The following VCAN variants were observed in gnomAD, a reference collection of about 807,000 sequenced individuals.
VCAN encodes the protein versican.
Under a neutral mutation model 245.5 loss-of-function variants are expected in VCAN, and 44 were observed. That is an observed-to-expected ratio of 0.18 (90% CI 0.14 to 0.23). The LOEUF (loss-of-function observed/expected upper bound fraction) is 0.23. Among genes scored for constraint, VCAN ranks in the 10% least tolerant of loss-of-function variants. The pLI is 1.00. For missense variants in VCAN, 3,793 were observed against 4,057.9 expected (o/e 0.93, Z 1.77); for synonymous variants, 1,413 against 1,437.0 (o/e 0.98, Z 0.38).
chr5:83,523,824 A>G (rs1746191908), intron 7 of VCAN, among the ~76,000 whole-genome samples: 1 of 152,188 alleles, frequency 6.6e-6, no homozygotes, highest in Non-Finnish European at 1.5e-5. Flanking sequence ...GGTGTAGGAA[A>G]AAGAAAATGA....
At chr5:83,518,393 G>A (rs1259704077) in intron 6 of VCAN, among the ~76,000 whole-genome samples, 1 of 152,128 alleles carries the variant, frequency 6.6e-6, no homozygotes, top group Non-Finnish European at 1.5e-5. Context: ...TTATAATGCA[G>A]CATTTTATGA....
intron 13 of VCAN, among the ~76,000 whole-genome samples, chr5:83,575,756 C>T (rs1470028853): frequency 1.3e-5 from 2 of 152,180 alleles, no homozygotes; most frequent in African/African-American, 2.4e-5. Context: ...AACTGTCCCA[C>T]GTTGAGAACC....
chr5:83,503,668 ACATCACC>A (rs1745400073), intron 5 of VCAN, among the ~76,000 whole-genome samples: 1 of 152,250 alleles, frequency 6.6e-6, no homozygotes, highest in Non-Finnish European at 1.5e-5. Context: ...ATCATGTATC[ACATCACC>A]CAGCAAATAT....
At chr5:83,544,835 G>A (rs966142883) in intron 8 of VCAN, 8 of 152,120 alleles carry the variant, frequency 5.3e-5, no homozygotes, top group Admixed American at 2.6e-4. Context: ...CAGGAGTGTC[G>A]GTTTTATTTG....
At chr5:83,472,085 C>A (rs954673476) in intron 1 of VCAN, 62 bp downstream of exon 1, 2 of 253,830 alleles carry the variant, frequency 7.9e-6, no homozygotes, top group East Asian at 1.4e-4. Flanking sequence ...TAGAAAAAAA[C>A]CCGCGAGCTT....
chr5:83,526,177 A>G (rs1746289528), intron 7 of VCAN, among the ~76,000 whole-genome samples: 1 of 152,170 alleles, frequency 6.6e-6, no homozygotes, highest in Non-Finnish European at 1.5e-5. Context: ...TGACCTCATG[A>G]TCCACCTGCC....
intron 2 of VCAN, among the ~76,000 whole-genome samples, chr5:83,486,179 C>T (rs1580599223): frequency 1.3e-5 from 2 of 152,232 alleles, no homozygotes; most frequent in East Asian, 3.9e-4. Flanking sequence ...TCCATGTTCC[C>T]CTTGTCCCCT....
chr5:83,480,994 T>C (rs1306447779), intron 1 of VCAN, among the ~76,000 whole-genome samples: 1 of 152,118 alleles, frequency 6.6e-6, no homozygotes, highest in African/African-American at 2.4e-5. Context: ...TAAGTACTAA[T>C]TTTCACAACT....
Position 83,537,915 on chromosome 5 carries a change from A to G in VCAN, c.4912A>G (p.Ile1638Val), listed in dbSNP as rs766142228. The change falls in exon 8 of 15, where the codon ATT becomes GTT. Residue 1638 changes from isoleucine (I) to valine (V), a missense_variant. Ile to Val is a conservative substitution (Grantham distance 29). This residue lies in a region of VCAN where 3,182 missense variants were observed against 3,250.3 expected (regional missense o/e 0.98). Coordinates refer to ENST00000265077, the MANE Select transcript of VCAN (RefSeq NM_004385.5). ...VELSGSSSIP[I>V]TEGSGEAEED... ...GCTCTCAGGGAGTTCTTCGATTCCA[A>G]TTACAGAAGGCTCTGGAGAAGCAGA... 2.5e-6 allele frequency: 4 copies of G among 1,613,982 alleles called. No homozygotes were observed. The South Asian group carries it at 4.4e-5, about 18-fold the overall frequency.
At chr5:83,536,142 C>T (rs780252936) in intron 7 of VCAN, 17 of 152,072 alleles carry the variant, frequency 1.1e-4, no homozygotes, top group Non-Finnish European at 1.8e-4. Context: ...ACATACTTTT[C>T]GAGGAATGCT....
intron 5 of VCAN, among the ~76,000 whole-genome samples, chr5:83,500,986 C>A (rs182886863): frequency 1.5e-3 from 221 of 152,110 alleles, no homozygotes; most frequent in Non-Finnish European, 2.6e-3. Flanking sequence ...TATTATCTGA[C>A]CTTTTGTGTA....
intron 5 of VCAN, among the ~76,000 whole-genome samples, chr5:83,507,903 G>A (rs1290400641): frequency 6.6e-6 from 1 of 152,194 alleles, no homozygotes; most frequent in Non-Finnish European, 1.5e-5. Context: ...AATGGACAAT[G>A]TTTAGCTTAA....
chr5:83,555,791 A>G (rs758974072), intron 12 of VCAN, among the ~76,000 whole-genome samples: 1 of 152,206 alleles, frequency 6.6e-6, no homozygotes, highest in South Asian at 2.1e-4. Flanking sequence ...CAGGTCCATT[A>G]CAGCAAAACC....
At chr5:83,553,851 G>C (rs1747563802) in intron 11 of VCAN, among the ~76,000 whole-genome samples, 1 of 152,098 alleles carries the variant, frequency 6.6e-6, no homozygotes, top group Non-Finnish European at 1.5e-5. Context: ...TTCTTACTAT[G>C]GTTATACTTT....
chr5:83,490,320 A>C lies in VCAN; in HGVS notation c.293A>C (p.Lys98Thr). 6.2e-7 allele frequency: 1 copy of C among 1,614,154 alleles called. No homozygotes were observed. ...NGNIKIGQDY[K>T]GRVSVPTHPE... ...AATATCAAGATTGGTCAGGACTACA[A>C]AGGGAGAGTGTCTGTGCCCACACAT... The change falls in exon 3 of 15, where the codon AAA becomes ACA. Residue 98 changes from lysine (K) to threonine (T), a missense_variant. Around this residue, in one of 5 missense-constraint regions of VCAN, gnomAD observed 179 missense variants for 169.7 expected, o/e 1.05. Coordinates refer to ENST00000265077, the MANE Select transcript of VCAN (RefSeq NM_004385.5).
chr5:83,580,660 A>G lies in VCAN; in HGVS notation c.*226A>G, dbSNP rs1043504153. Reference sequence around the variant, plus strand: ...ATGAGAGCAGAAAGTAAGCATTTCCAGCCTATCTAATTTCTTTAGTTTTCT... The same window carrying G: ...ATGAGAGCAGAAAGTAAGCATTTCCGGCCTATCTAATTTCTTTAGTTTTCT... On this transcript the variant is annotated 3_prime_UTR_variant, in exon 15 of 15. Coordinates refer to ENST00000265077, the MANE Select transcript of VCAN (RefSeq NM_004385.5). 1.5e-5 allele frequency: 9 copies of G among 593,092 alleles called. No individual in the cohort carries two copies. Among genetic ancestry groups the G allele is most frequent in the South Asian group, 1.9e-5 (1 of 51,970 alleles). The allele number at this position is 593,092 out of a possible 1,614,324, so 36.7% of individuals were successfully genotyped here. A position where few individuals can be genotyped will look rare whatever the true frequency, so the allele number is the denominator to read the frequency against.
Position 83,537,965 on chromosome 5 carries a change from C to T in VCAN, c.4962C>T (p.Thr1654=). Residue 1654 remains threonine (T), a synonymous_variant, in exon 8 of 15, where the codon ACC becomes ACT. Transcript: ENST00000265077. Reference sequence around the variant, plus strand: ...AAGAAGATGAAGATACAATGTTCACCATGGTAACTGATTTATCACAGAGAA... The same window carrying T: ...AAGAAGATGAAGATACAATGTTCACTATGGTAACTGATTTATCACAGAGAA... The part of the protein sequence containing the change: ...EAEEDEDTMF[T]MVTDLSQRNT... The T allele has an allele frequency of 3.1e-6, 5 of 1,613,808 alleles. No individual in the cohort carries two copies. The highest frequency in any genetic ancestry group is 3.4e-6 in the Non-Finnish European group (4 of 1,179,930).
rs1273991977 is a variant in VCAN at position 83,580,984 on chromosome 5, A to T, written c.*550A>T. 5.5e-6 allele frequency: 1 copy of T among 182,890 alleles called. No individual in the cohort carries two copies. The highest frequency in any genetic ancestry group is 1.2e-5 in the Non-Finnish European group (1 of 86,172). 11.3% of individuals were successfully genotyped at this position (182,890 alleles called of 1,614,324 possible). On this transcript the variant is annotated 3_prime_UTR_variant, in exon 15 of 15. Transcript: ENST00000265077. ...TTTCCTGGACAGCTAGAAAACACAA[A>T]ATCTTGTAGGTCATTGCACCTATCT...
In VCAN at chr5:83,520,038, G is replaced by A; in HGVS notation, c.1732G>A (p.Glu578Lys). 6.2e-7 allele frequency: 1 copy of A among 1,614,058 alleles called. No individual in the cohort carries two copies. The highest frequency in any genetic ancestry group is 8.5e-7 in the Non-Finnish European group (1 of 1,179,972). ...CACCTTGATCTTTGACCAAATTCCT[G>A]AAGTCATTACGGTGTCAAAGACTTC... The part of the protein sequence containing the change: ...ESTLIFDQIP[E>K]VITVSKTSED... The change falls in exon 7 of 15, where the codon GAA becomes AAA. Residue 578 changes from glutamate to lysine, a missense_variant. Around this residue, in one of 5 missense-constraint regions of VCAN, gnomAD observed 3,182 missense variants for 3,250.3 expected, o/e 0.98. Transcript: ENST00000265077.
Sources: gnomAD v4.1 joint callset for allele counts (sites outside exome capture counted in the v4.1 genomes callset) on GRCh38, gnomAD v4.1.1 for gene constraint, gnomAD v4.1.1 regional missense constraint, MANE v1.5 for transcripts, NCBI Gene and HGNC (gene_info 2026-07-23, HGNC 2026-07-21) for gene names.